The following ANK3 variants were observed in gnomAD, a reference collection of about 807,000 sequenced individuals.
The protein encoded by ANK3 is ankyrin-3.
In ANK3, 57 loss-of-function variants were observed where a neutral mutation model predicts 370.9. The ratio of observed to expected loss-of-function variants is 0.15; its 90% CI spans 0.12 to 0.19. The LOEUF (loss-of-function observed/expected upper bound fraction) is 0.19. ANK3 is among the 10% of genes least tolerant of loss of function. The pLI, the probability that ANK3 is intolerant of heterozygous loss-of-function variation, is 1.00. For missense variants in ANK3, 4,439 were observed against 5,302.1 expected (o/e 0.84, Z 5.06); for synonymous variants, 1,929 against 1,946.3 (o/e 0.99, Z 0.23).
rs182716045 is a variant in ANK3 at position 60,593,057 on chromosome 10, G to A, written c.96+22129C>T. 1.7e-3 allele frequency among the ~76,000 whole-genome samples: 256 copies of A among 152,292 alleles called. 1 individual carries two copies. The highest frequency in any genetic ancestry group is 5.7e-3 in the African/African-American group (237 of 41,552). ...TACTTAGAATTTCTGTTAGTCAAGA[G>A]GCATGAATGACCCCTAATGTCTTTG... On this transcript the variant is annotated intron_variant, in intron 2 of 43. Coordinates refer to the ANK3 transcript ENST00000373827.
chr10:60,398,085 C>G (rs574761698), intron 2 of ANK3, among the ~76,000 whole-genome samples: 1 of 152,234 alleles, frequency 6.6e-6, no homozygotes, highest in South Asian at 2.1e-4. Flanking sequence ...TCTATTGCAC[C>G]TAATGGACTC....
intron 2 of ANK3, among the ~76,000 whole-genome samples, chr10:60,409,836 T>C (rs1202268910): frequency 6.6e-6 from 1 of 152,206 alleles, no homozygotes; most frequent in Non-Finnish European, 1.5e-5. Flanking sequence ...TAAAAATATA[T>C]GATGTGCCTC....
intron 2 of ANK3, among the ~76,000 whole-genome samples, chr10:60,611,371 G>A (rs1244088434): frequency 6.6e-6 from 1 of 152,144 alleles, no homozygotes; most frequent in Non-Finnish European, 1.5e-5. Flanking sequence ...CAGTCAGAGT[G>A]CTCGCACTTC....
intron 1 of ANK3, among the ~76,000 whole-genome samples, chr10:60,708,572 A>G (rs2079652204): frequency 6.6e-6 from 1 of 152,176 alleles, no homozygotes; most frequent in Non-Finnish European, 1.5e-5. Flanking sequence ...TTTGAAATAC[A>G]CCCAGAACAT....
chr10:60,438,920 G>A (rs770468960), intron 2 of ANK3, among the ~76,000 whole-genome samples: 1 of 152,160 alleles, frequency 6.6e-6, no homozygotes, highest in East Asian at 1.9e-4. Context: ...TTCACAGAAT[G>A]AACATCTCTC....
intron 2 of ANK3, among the ~76,000 whole-genome samples, chr10:60,584,282 C>A (rs2077798548): frequency 6.6e-6 from 1 of 152,142 alleles, no homozygotes; most frequent in African/African-American, 2.4e-5. Context: ...GGTGTCAAAA[C>A]TACGTCATCA....
chr10:60,354,833 T>G (rs979590035), intron 1 of ANK3, among the ~76,000 whole-genome samples: 1 of 152,182 alleles, frequency 6.6e-6, no homozygotes, highest in African/African-American at 2.4e-5. Flanking sequence ...GTTTATCTTA[T>G]GCTTATGAAT....
chr10:60,286,362 CTTT>C (rs938560504), intron 1 of ANK3, among the ~76,000 whole-genome samples: 2 of 152,138 alleles, frequency 1.3e-5, no homozygotes. Flanking sequence ...ATCATTCTGT[CTTT>C]TTTTGTCTAA....
chr10:60,577,104 C>T (rs2077692292), intron 2 of ANK3, among the ~76,000 whole-genome samples: 1 of 152,192 alleles, frequency 6.6e-6, no homozygotes, highest in African/African-American at 2.4e-5. Context: ...ATTTACTTTG[C>T]ACTACTTTGT....
At chr10:60,711,545 T>C (rs994909034) in intron 1 of ANK3, among the ~76,000 whole-genome samples, 14 of 151,674 alleles carry the variant, frequency 9.2e-5, no homozygotes, top group Non-Finnish European at 2.1e-4. Flanking sequence ...AAAAAGAATA[T>C]TTTTTTAAGA....
intron 2 of ANK3, among the ~76,000 whole-genome samples, chr10:60,587,291 C>G (rs1190455022): frequency 6.6e-6 from 1 of 152,142 alleles, no homozygotes; most frequent in Non-Finnish European, 1.5e-5. Context: ...AAGATGAGAT[C>G]TGGGTGGGGA....
chr10:60,643,729 G>A (rs1019930888), intron 1 of ANK3, among the ~76,000 whole-genome samples: 18 of 151,998 alleles, frequency 1.2e-4, no homozygotes, highest in African/African-American at 4.3e-4. Context: ...GAAGCCCAGT[G>A]GTTAATCCAC....
chr10:60,263,818 T>C lies in ANK3; in HGVS notation c.699+17A>G, dbSNP rs1360722357. ...ACCGGAGAGTTGCATGACAGGCCCG[T>C]GTCCCTCGTGCCTCACCTTTGATTC... On this transcript the variant is annotated intron_variant, in intron 6 of 43. Coordinates refer to ENST00000280772, the MANE Select transcript of ANK3 (RefSeq NM_020987.5). 2 of 1,612,962 alleles carry C rather than the reference T, an allele frequency of 1.2e-6. No individual in the cohort carries two copies. Among genetic ancestry groups the C allele is most frequent in the South Asian group, 2.2e-5 (2 of 91,022 alleles).
At chr10:60,049,237 G>A (rs2077461240) in intron 42 of ANK3, among the ~76,000 whole-genome samples, 1 of 152,112 alleles carries the variant, frequency 6.6e-6, no homozygotes, top group Admixed American at 6.5e-5. Flanking sequence ...GCCTTCCTCA[G>A]TTATAAAACC....
chr10:60,621,119 A>C (rs761913634), intron 1 of ANK3, among the ~76,000 whole-genome samples: 2 of 152,198 alleles, frequency 1.3e-5, no homozygotes, highest in Non-Finnish European at 2.9e-5. Context: ...AAATTAGAGA[A>C]AAGCAATTCG....
chr10:60,124,239 GAAA>G (rs2093643566), intron 25 of ANK3, among the ~76,000 whole-genome samples: 1 of 152,152 alleles, frequency 6.6e-6, no homozygotes, highest in Non-Finnish European at 1.5e-5. Flanking sequence ...CTGGCTCACT[GAAA>G]CCTCTGCCTC....
chr10:60,691,349 G>A (rs1430020527), intron 1 of ANK3, among the ~76,000 whole-genome samples: 1 of 152,216 alleles, frequency 6.6e-6, no homozygotes, highest in Non-Finnish European at 1.5e-5. Flanking sequence ...CACTCTGGGT[G>A]AGTAGAAAAG....
Position 60,468,992 on chromosome 10 carries a change from AGTGT to A in ANK3, c.96+146190_96+146193del, listed in dbSNP as rs140068743. On this transcript the variant is annotated intron_variant, in intron 2 of 43. Transcript: ENST00000373827. ...GGACCACTATATATATACCACTTTT[AGTGT>A]GTATATATATATATATATATATACC... Among the ~76,000 whole-genome samples the A allele has an allele frequency of 2.5e-3, 73 of 28,682 alleles. 3 individuals carry two copies. Among genetic ancestry groups the A allele is most frequent in the African/African-American group, 0.01 (71 of 6,978 alleles). 18.8% of individuals were successfully genotyped at this position (28,682 alleles called of 152,430 possible). A position where few individuals can be genotyped will look rare whatever the true frequency, so the allele number is the denominator to read the frequency against.
Position 60,072,280 on chromosome 10 carries a change from T to A in ANK3, c.8601A>T (p.Lys2867Asn). 1 of 1,614,164 alleles carries A rather than the reference T, an allele frequency of 6.2e-7. No homozygotes were observed. ...GAACAAGTACATGCGAAAGTTTTTC[T>A]TTCTGAGACTTATTGTTAGTGGCTC... ...SSGATNNKSQ[K>N]EKLSHVLVHD... Residue 2867 changes from lysine to asparagine, a missense_variant, in exon 37 of 44, where the codon AAA (lysine) becomes AAT (asparagine). Physicochemically the swap from Lys to Asn is moderately conservative, Grantham distance 94. Around this residue, in one of 13 missense-constraint regions of ANK3, gnomAD observed 1,601 missense variants for 1,731.7 expected, o/e 0.92. Transcript: ENST00000280772.
Sources: gnomAD v4.1 joint callset for allele counts (sites outside exome capture counted in the v4.1 genomes callset) on GRCh38, gnomAD v4.1.1 for gene constraint, gnomAD v4.1.1 regional missense constraint, MANE v1.5 for transcripts, NCBI Gene and HGNC (gene_info 2026-07-23, HGNC 2026-07-21) for gene names.